The following FNDC7 variants were observed in gnomAD, a reference collection of about 807,000 sequenced individuals.
FNDC7 encodes the protein fibronectin type III domain containing 7, also known as fibronectin type III domain-containing protein 7.
Under a neutral mutation model 74.2 loss-of-function variants are expected in FNDC7, and 66 were observed. The observed-to-expected ratio is 0.89, with a 90% CI of 0.73 to 1.09. FNDC7 has a LOEUF of 1.09. Among genes scored for constraint, FNDC7 ranks in the 50% least tolerant of loss-of-function variants. The pLI, the probability that FNDC7 is intolerant of heterozygous loss-of-function variation, is 0.00. For missense variants in FNDC7, 829 were observed against 893.4 expected (o/e 0.93, Z 0.92); for synonymous variants, 307 against 330.2 (o/e 0.93, Z 0.76).
At chr1:108,740,121 T>C (rs971366230) in intron 11 of FNDC7, among the ~76,000 whole-genome samples, 2 of 151,294 alleles carry the variant, frequency 1.3e-5, no homozygotes, top group Admixed American at 6.6e-5. Flanking sequence ...ATGGAAGTCA[T>C]TATATCTAGG....
chr1:108,738,679 G>A (rs542914883), intron 11 of FNDC7, among the ~76,000 whole-genome samples: 1 of 152,072 alleles, frequency 6.6e-6, no homozygotes, highest in East Asian at 1.9e-4. Context: ...CCACTGGCAG[G>A]AACTGGGTCT....
intron 11 of FNDC7, among the ~76,000 whole-genome samples, chr1:108,739,824 C>T (rs1366878063): frequency 1.3e-5 from 2 of 152,080 alleles, no homozygotes; most frequent in African/African-American, 4.8e-5. Context: ...CATTCCCTTC[C>T]TTAGCCAGGG....
At chr1:108,737,206 A>T (rs141985764) in intron 10 of FNDC7, among the ~76,000 whole-genome samples, 1 of 152,058 alleles carries the variant, frequency 6.6e-6, no homozygotes, top group African/African-American at 2.4e-5. Flanking sequence ...TCCTGACCTC[A>T]GGTATCTGCC....
In FNDC7 at chr1:108,737,053, C is replaced by T. The variant is rs529319535; in HGVS notation, c.2141-442C>T. Among the ~76,000 whole-genome samples, 30 of 147,194 alleles carry T rather than the reference C, an allele frequency of 2.0e-4. No individual in the cohort carries two copies. In the South Asian group the frequency reaches 5.7e-3, roughly 28 times the overall value. On this transcript the variant is annotated intron_variant, in intron 10 of 12. Transcript: ENST00000370017. ...CGCAATCTCAGCTCACTGCAAACTC[C>T]GCTCCCCAGGTTCAAGTGATTCTCC...
intron 4 of FNDC7, among the ~76,000 whole-genome samples, chr1:108,721,974 T>C (rs1188283190): frequency 6.6e-6 from 1 of 152,242 alleles, no homozygotes; most frequent in Non-Finnish European, 1.5e-5. Flanking sequence ...CATTTATAAT[T>C]TCATTTAACT....
chr1:108,741,727 C>T (rs750248834), intron 11 of FNDC7, 46 bp from the exon 12 acceptor site: 3 of 1,588,428 alleles, frequency 1.9e-6, no homozygotes, highest in Non-Finnish European at 2.6e-6. Context: ...AAAATGTCTG[C>T]ATATTGAATG....
At chr1:108,719,983 A>G (rs1018888258) in intron 4 of FNDC7, among the ~76,000 whole-genome samples, 4 of 152,164 alleles carry the variant, frequency 2.6e-5, no homozygotes, top group African/African-American at 9.7e-5. Flanking sequence ...TGTATGGGCC[A>G]AGGCAGAATG....
intron 2 of FNDC7, among the ~76,000 whole-genome samples, chr1:108,713,943 T>G (rs1336977895): frequency 6.6e-6 from 1 of 152,234 alleles, no homozygotes; most frequent in Non-Finnish European, 1.5e-5. Flanking sequence ...TTTGATTAAA[T>G]TGTCAATATT....
chr1:108,728,216 A>G, intron 7 of FNDC7, 151 bp downstream of exon 7: 1 of 1,029,330 alleles, frequency 9.7e-7, no homozygotes, highest in Admixed American at 2.3e-5. Context: ...TGTACGAAGG[A>G]GAGGCAGAGG....
chr1:108,727,686 T>G (rs1661248271), intron 6 of FNDC7, 122 bp from the exon 7 acceptor site: 2 of 1,169,238 alleles, frequency 1.7e-6, no homozygotes, highest in Non-Finnish European at 1.2e-6. Flanking sequence ...CCATAGGGAG[T>G]CACTGTAGTC....
intron 2 of FNDC7, among the ~76,000 whole-genome samples, chr1:108,715,679 A>ACG (rs1557785907): frequency 2.6e-5 from 4 of 152,054 alleles, no homozygotes; most frequent in African/African-American, 9.7e-5. Context: ...GCGCACACAC[A>ACG]CACACACACA....
At chr1:108,714,605 A>ATTTTTTTTTTT (rs71098692) in intron 2 of FNDC7, among the ~76,000 whole-genome samples, 3 of 102,142 alleles carry the variant, frequency 2.9e-5, no homozygotes, top group Non-Finnish European at 3.7e-5. Context: ...ACAAAGTGGC[A>ATTTTTTTTTTT]TTTTTTTTTT....
chr1:108,729,020 C>T, intron 8 of FNDC7, 134 bp downstream of exon 8: 1 of 1,135,014 alleles, frequency 8.8e-7, no homozygotes, highest in South Asian at 1.6e-5. Context: ...TTCAAAGAGT[C>T]CCGGTCATAG....
chr1:108,724,612 C>T (rs549223405), intron 5 of FNDC7, among the ~76,000 whole-genome samples: 132 of 151,528 alleles, frequency 8.7e-4, no homozygotes, highest in African/African-American at 3.1e-3. Flanking sequence ...AAATTAGCTG[C>T]TCATGGTGGC....
intron 2 of FNDC7, 132 bp from the exon 3 acceptor site, chr1:108,717,645 G>A (rs1476246431): frequency 3.2e-6 from 3 of 926,782 alleles, no homozygotes; most frequent in African/African-American, 3.3e-5. Flanking sequence ...GTTTTTCCTT[G>A]ATCTGAATAA....
intron 10 of FNDC7, among the ~76,000 whole-genome samples, chr1:108,737,158 A>G (rs1232122566): frequency 6.6e-6 from 1 of 151,756 alleles, no homozygotes; most frequent in East Asian, 1.9e-4. Context: ...TTTGGTAGAG[A>G]TGGGGGTTTC....
In FNDC7 at chr1:108,741,842, G is replaced by A. The variant is rs1374905418; in HGVS notation, c.*37+1G>A. The A allele has an allele frequency of 8.7e-6, 14 of 1,601,218 alleles. No homozygotes were observed. Among genetic ancestry groups the A allele is most frequent in the Non-Finnish European group, 1.2e-5 (14 of 1,171,112 alleles). On this transcript the variant is annotated splice_donor_variant, in intron 12 of 12. Coordinates refer to ENST00000370017, the MANE Select transcript of FNDC7 (RefSeq NM_001144937.3). LOFTEE classifies it low-confidence loss of function (3UTR_SPLICE). ...CAGATAAAAACAAAAACTTGACCAAGTGAGTAACGTAAATTGATTTTGTGT... is the reference window on the plus strand; with the variant it reads ...CAGATAAAAACAAAAACTTGACCAAATGAGTAACGTAAATTGATTTTGTGT...
chr1:108,730,377 A>G (rs1333126), intron 8 of FNDC7, among the ~76,000 whole-genome samples: 3,634 of 151,002 alleles, frequency 0.024, 150 homozygotes, highest in African/African-American at 0.084. Flanking sequence ...AAAAAAAAAA[A>G]TGTTGAAGAT....
chr1:108,737,809 A>G (rs749313585), intron 11 of FNDC7, among the ~76,000 whole-genome samples: 13 of 152,206 alleles, frequency 8.5e-5, no homozygotes, highest in Non-Finnish European at 1.9e-4. Flanking sequence ...CATCCCTCAC[A>G]CTTCAGAAAG....
Sources: allele counts gnomAD v4.1 joint callset (sites outside exome capture counted in the v4.1 genomes callset), GRCh38; gene constraint gnomAD v4.1.1; transcripts MANE v1.5; gene names NCBI Gene and HGNC (gene_info 2026-07-23, HGNC 2026-07-21).